ERFE: variants seen among roughly 807,000 people sequenced by gnomAD.
The protein encoded by ERFE is complement C1q tumor necrosis factor-related protein 15.
ERFE carries 25 observed loss-of-function variants against 26.6 expected under a neutral mutation model. That is an observed-to-expected ratio of 0.94 (90% CI 0.69 to 1.31). ERFE has a LOEUF of 1.31. Among genes scored for constraint, ERFE ranks in the 40% most tolerant of loss-of-function variants. The pLI, the probability that ERFE is intolerant of heterozygous loss-of-function variation, is 0.00. For missense variants in ERFE, 447 were observed against 440.2 expected, an observed-to-expected ratio of 1.02 and a Z score of -0.14; for synonymous variants, 206 against 204.5, an observed-to-expected ratio of 1.01 and a Z score of -0.06.
chr2:238,168,694 C>T lies in ERFE; in HGVS notation c.*1640C>T, dbSNP rs908021277. 6.4e-6 allele frequency: 2 copies of T among 313,610 alleles called. No individual in the cohort carries two copies. The highest frequency in any genetic ancestry group is 1.3e-5 in the Non-Finnish European group (2 of 156,910). The allele number at this position is 313,610 out of a possible 1,614,324, so 19.4% of individuals were successfully genotyped here. ...ACTGGGCTGGCCTGGGTACTGCATC[C>T]GTGTGTTTTGATAAGGGGGTGATGT... On this transcript the variant is annotated 3_prime_UTR_variant, in exon 8 of 8. Transcript: ENST00000546354.
At position 238,167,890 on chromosome 2, in the gene ERFE, G is replaced by A. The variant is rs1693071158; in HGVS notation, c.*836G>A. 1 of 198,100 alleles carries A rather than the reference G, an allele frequency of 5.0e-6. No individual in the cohort carries two copies. Among genetic ancestry groups the A allele is most frequent in the Non-Finnish European group, 1.1e-5 (1 of 95,018 alleles). 12.3% of individuals were successfully genotyped at this position (198,100 alleles called of 1,614,324 possible). The stretch of plus-strand genomic sequence containing the variant: ...CTCTGAGGTGCTGACTCACTGGTAG[G>A]AGCCACCCACCAGAGGAAAGATCTA... On this transcript the variant is annotated 3_prime_UTR_variant, in exon 8 of 8. Transcript: ENST00000546354.
At chr2:238,164,634 C>T in intron 6 of ERFE, 1 of 455,350 alleles carries the variant, frequency 2.2e-6, no homozygotes, top group Non-Finnish European at 3.9e-6. Flanking sequence ...GCGGGCGGAT[C>T]ACGAGGTCAG....
In ERFE at chr2:238,167,439, T is replaced by TG. The variant is rs1559283608; in HGVS notation, c.*387dup. 6.1e-6 allele frequency: 3 copies of TG among 493,434 alleles called. No homozygotes were observed. Among genetic ancestry groups the TG allele is most frequent in the Non-Finnish European group, 1.2e-5 (3 of 251,602 alleles). The allele number at this position is 493,434 out of a possible 1,614,324, so 30.6% of individuals were successfully genotyped here. A position where few individuals can be genotyped will look rare whatever the true frequency, so the allele number is the denominator to read the frequency against. ...TTTTCCACCTCTCTTCATGTTCTCA[T>TG]GGAGTGCAAAGTGCACCAGCCAGGG... On this transcript the variant is annotated 3_prime_UTR_variant, in exon 8 of 8. Coordinates refer to ENST00000546354, the MANE Select transcript of ERFE (RefSeq NM_001291832.2).
Position 238,164,197 on chromosome 2 carries a change from C to A in ERFE, c.796+14C>A. On this transcript the variant is annotated intron_variant, in intron 5 of 7. Coordinates refer to ENST00000546354, the MANE Select transcript of ERFE (RefSeq NM_001291832.2). Reference sequence around the variant, plus strand: ...CGCTGCACGTGGGTGAGGCCCGGGGCGTGGGAGGATCGCCCGCTCTGTCGC... The same window carrying A: ...CGCTGCACGTGGGTGAGGCCCGGGGAGTGGGAGGATCGCCCGCTCTGTCGC... 1 of 1,434,354 alleles carries A rather than the reference C, an allele frequency of 7.0e-7. No homozygotes were observed. Among genetic ancestry groups the A allele is most frequent in the Non-Finnish European group, 9.1e-7 (1 of 1,104,186 alleles). The allele number at this position is 1,434,354 out of a possible 1,614,324, so 88.9% of individuals were successfully genotyped here.
rs773608905 is a variant in ERFE at position 238,168,329 on chromosome 2, C to A, written c.*1275C>A. The A allele has an allele frequency of 2.2e-6, 1 of 464,414 alleles. No individual in the cohort carries two copies. The highest frequency in any genetic ancestry group is 1.6e-5 in the South Asian group (1 of 63,642). 28.8% of individuals were successfully genotyped at this position (464,414 alleles called of 1,614,324 possible). A position where few individuals can be genotyped will look rare whatever the true frequency, so the allele number is the denominator to read the frequency against. On this transcript the variant is annotated 3_prime_UTR_variant, in exon 8 of 8. Transcript: ENST00000546354. Reference sequence around the variant, plus strand: ...CGGCAGCGACCTCCAGGGCCTCCTACCTGCTGAGGAAGAGTTAACCCACTG... The same window carrying A: ...CGGCAGCGACCTCCAGGGCCTCCTAACTGCTGAGGAAGAGTTAACCCACTG...
At position 238,164,100 on chromosome 2, in the gene ERFE, G is replaced by A; in HGVS notation, c.713G>A (p.Arg238His). ...CCCGACGCCGAGGGTGCCTTCCGCC[G>A]CGGCCCGGGCCTGAACTTGACCAGC... ...YLPDAEGAFR[R>H]GPGLNLTSGQ... Residue 238 changes from arginine (R) to histidine (H), a missense_variant, in exon 5 of 8, where the codon CGC (arginine) becomes CAC (histidine). Physicochemically the swap from Arg to His is conservative, Grantham distance 29. Coordinates refer to ENST00000546354, the MANE Select transcript of ERFE (RefSeq NM_001291832.2). 2.1e-6 allele frequency: 3 copies of A among 1,432,450 alleles called. No homozygotes were observed. The highest frequency in any genetic ancestry group is 2.8e-5 in the South Asian group (2 of 71,912). 88.7% of individuals were successfully genotyped at this position (1,432,450 alleles called of 1,614,324 possible). A position where few individuals can be genotyped will look rare whatever the true frequency, so the allele number is the denominator to read the frequency against.
Position 238,167,508 on chromosome 2 carries a change from T to A in ERFE, c.*454T>A. On this transcript the variant is annotated 3_prime_UTR_variant, in exon 8 of 8. Coordinates refer to ENST00000546354, the MANE Select transcript of ERFE (RefSeq NM_001291832.2). ...TCAGCTGACGCAGGGCTGAGGGGGC[T>A]GCCACAGGGACGTACGCTGTGTGTT... The A allele has an allele frequency of 2.2e-6, 1 of 461,838 alleles. No individual in the cohort carries two copies. The highest frequency in any genetic ancestry group is 1.6e-5 in the South Asian group (1 of 64,444). 28.6% of individuals were successfully genotyped at this position (461,838 alleles called of 1,614,324 possible). A position where few individuals can be genotyped will look rare whatever the true frequency, so the allele number is the denominator to read the frequency against.
In ERFE at chr2:238,164,452, C is replaced by T. The variant is rs1301347644; in HGVS notation, c.887+92C>T. 8 of 1,279,144 alleles carry T rather than the reference C, an allele frequency of 6.3e-6. No individual in the cohort carries two copies. In the East Asian group the frequency reaches 7.7e-5, roughly 12 times the overall value. The allele number at this position is 1,279,144 out of a possible 1,614,324, so 79.2% of individuals were successfully genotyped here. A position where few individuals can be genotyped will look rare whatever the true frequency, so the allele number is the denominator to read the frequency against. On this transcript the variant is annotated intron_variant, in intron 6 of 7. Transcript: ENST00000546354. ...AACAGGCACTGGACGGGGCTTCCGC[C>T]CGTTCACACCCCACCGTGGCCTAGG...
At chr2:238,161,131 T>G (rs1332771553) in intron 1 of ERFE, among the ~76,000 whole-genome samples, 3 of 152,112 alleles carry the variant, frequency 2.0e-5, no homozygotes, top group Non-Finnish European at 4.4e-5. Context: ...TGGGGGAGGA[T>G]GGACAGAGGA....
rs1485848671 is a variant in ERFE at position 238,167,308 on chromosome 2, C to G, written c.*254C>G. On this transcript the variant is annotated 3_prime_UTR_variant, in exon 8 of 8. Transcript: ENST00000546354. ...TCTTATCCAGGAAAGAAAGAGTCGG[C>G]GTGCCTGGGGGCACCTGCTAGTCTC... 1.5e-6 allele frequency: 1 copy of G among 685,558 alleles called. No individual in the cohort carries two copies. Among genetic ancestry groups the G allele is most frequent in the South Asian group, 1.5e-5 (1 of 66,618 alleles). The allele number at this position is 685,558 out of a possible 1,614,324, so 42.5% of individuals were successfully genotyped here.
rs1195994207 is a variant in ERFE, at chr2:238,164,277, G to A, written c.804G>A (p.Gly268=). ...TCCCACCCTCCCCCGCAGCGCTCGG[G>A]GAGCCGCCGAGGAGGGGGCCGCCGC... ...ALAATLHVAL[G]EPPRRGPPRP... The change falls in exon 6 of 8, where the codon GGG becomes GGA. Residue 268 remains glycine (G), a synonymous_variant. Coordinates refer to ENST00000546354, the MANE Select transcript of ERFE (RefSeq NM_001291832.2). 4 of 1,509,172 alleles carry A rather than the reference G, an allele frequency of 2.7e-6. No individual in the cohort carries two copies. The highest frequency in any genetic ancestry group is 2.9e-5 in the African/African-American group (2 of 69,502). 93.5% of individuals were successfully genotyped at this position (1,509,172 alleles called of 1,614,324 possible).
At chr2:238,164,967 C>T (rs563499171) in intron 6 of ERFE, among the ~76,000 whole-genome samples, 2 of 152,212 alleles carry the variant, frequency 1.3e-5, no homozygotes, top group Non-Finnish European at 2.9e-5. Context: ...AACTCCTTCC[C>T]ACCTCAGGGA....
In ERFE at chr2:238,164,125, C is replaced by CG; in HGVS notation, c.740dup (p.Gln248ProfsTer62). ...GCGGCCCGGGCCTGAACTTGACCAG[C>CG]GGCCAGTACAGGGCGCCCGTGGCTG... is the stretch of plus-strand genomic sequence containing the variant. On this transcript the variant is annotated frameshift_variant, in exon 5 of 8. Coordinates refer to ENST00000546354, the MANE Select transcript of ERFE (RefSeq NM_001291832.2). LOFTEE classifies it high-confidence loss of function. 1 of 1,454,424 alleles carries CG rather than the reference C, an allele frequency of 6.9e-7. No homozygotes were observed. The highest frequency in any genetic ancestry group is 9.0e-7 in the Non-Finnish European group (1 of 1,107,102). 90.1% of individuals were successfully genotyped at this position (1,454,424 alleles called of 1,614,324 possible). A position where few individuals can be genotyped will look rare whatever the true frequency, so the allele number is the denominator to read the frequency against.
At chr2:238,161,848 G>C in intron 2 of ERFE, 132 bp downstream of exon 2, 2 of 1,297,418 alleles carry the variant, frequency 1.5e-6, no homozygotes, top group Non-Finnish European at 1.0e-6. Context: ...ACAGAGAACA[G>C]AGAGAACCCA....
At chr2:238,160,288 C>T (rs113418866) in intron 1 of ERFE, among the ~76,000 whole-genome samples, 8 of 152,330 alleles carry the variant, frequency 5.3e-5, no homozygotes, top group East Asian at 1.9e-4. Flanking sequence ...TTGCTGGGGC[C>T]GTCTCCTGGG....
At chr2:238,164,728 G>A (rs551207388) in intron 6 of ERFE, 31 of 248,846 alleles carry the variant, frequency 1.2e-4, no homozygotes, top group African/African-American at 7.0e-4. Context: ...GTGGGTGCCT[G>A]TAATCCCAGC....
chr2:238,161,505 G>A lies in ERFE; in HGVS notation c.199-89G>A. 5 of 1,419,394 alleles carry A rather than the reference G, an allele frequency of 3.5e-6. No individual in the cohort carries two copies. In the South Asian group the frequency reaches 6.2e-5, roughly 18 times the overall value. The allele number at this position is 1,419,394 out of a possible 1,614,324, so 87.9% of individuals were successfully genotyped here. ...AGGACCAGGGTCCCAGAGTACAGAA[G>A]GCCACACAGTCACCTCCTGCAAAGT... is the stretch of plus-strand genomic sequence containing the variant. On this transcript the variant is annotated intron_variant, in intron 1 of 7. Transcript: ENST00000546354.
intron 7 of ERFE, among the ~76,000 whole-genome samples, chr2:238,166,166 G>A (rs1272298701): frequency 1.3e-5 from 2 of 152,248 alleles, no homozygotes; most frequent in Admixed American, 6.5e-5. Flanking sequence ...TTGGCAAGTG[G>A]TAGAGAAATG....
Position 238,163,724 on chromosome 2 carries a change from C to G in ERFE, c.425-13C>G. 7.7e-7 allele frequency: 1 copy of G among 1,294,974 alleles called. No individual in the cohort carries two copies. Among genetic ancestry groups the G allele is most frequent in the Non-Finnish European group, 9.7e-7 (1 of 1,026,350 alleles). The allele number at this position is 1,294,974 out of a possible 1,614,324, so 80.2% of individuals were successfully genotyped here. ...GGGTCCCTGGCGCGCGGCCACCGCT[C>G]GCTCTGTGCCAGGTGCGGTGCGGCA... On this transcript the variant is annotated splice_polypyrimidine_tract_variant and intron_variant, in intron 3 of 7. Coordinates refer to ENST00000546354, the MANE Select transcript of ERFE (RefSeq NM_001291832.2).
Sources: gnomAD v4.1 joint callset for allele counts (sites outside exome capture counted in the v4.1 genomes callset) on GRCh38, gnomAD v4.1.1 for gene constraint, MANE v1.5 for transcripts, NCBI Gene and HGNC (gene_info 2026-07-23, HGNC 2026-07-21) for gene names.